CABLES2: variants seen among roughly 807,000 people sequenced by gnomAD.
CABLES2 encodes Cdk5 and Abl enzyme substrate 2, also known as CDK5 and ABL1 enzyme substrate 2.
A neutral mutation model predicts 44.8 loss-of-function variants in CABLES2; 35 were observed. The ratio of observed to expected loss-of-function variants is 0.78; its 90% CI spans 0.60 to 1.04. The LOEUF is 1.04. CABLES2 is among the 50% of genes least tolerant of loss of function. The pLI, the probability that CABLES2 is intolerant of heterozygous loss-of-function variation, is 0.00. For synonymous variants in CABLES2, 282 were observed against 281.1 expected (o/e 1.00, Z -0.03); for missense variants, 566 against 615.7 (o/e 0.92, Z 0.85).
rs145294840 is a variant in CABLES2 at position 62,406,221 on chromosome 20, C to T, written c.362+694G>A. Among the ~76,000 whole-genome samples, 93 of 152,180 alleles carry T rather than the reference C, an allele frequency of 6.1e-4. 2 individuals carry two copies. The East Asian group carries it at 0.017, about 28-fold the overall frequency. On this transcript the variant is annotated intron_variant, in intron 1 of 9. Coordinates refer to ENST00000279101, the MANE Select transcript of CABLES2 (RefSeq NM_031215.3). ...ATGGGAGATGTGGCTGTGCAGGGGC[C>T]TCTGGGAACAGGTGTCAGTGACAGT... is the stretch of plus-strand genomic sequence containing the variant.
Position 62,390,903 on chromosome 20 carries a change from G to T in CABLES2, c.*68C>A. The T allele has an allele frequency of 6.3e-7, 1 of 1,587,502 alleles. No individual in the cohort carries two copies. The highest frequency in any genetic ancestry group is 1.7e-5 in the Admixed American group (1 of 59,426). ...GGGTGCTGGCAGGAGGAGGCGCGGGGCTTCAGTGGGACACCTCCCAGGCCG... is the reference window on the plus strand; with the variant it reads ...GGGTGCTGGCAGGAGGAGGCGCGGGTCTTCAGTGGGACACCTCCCAGGCCG... On this transcript the variant is annotated 3_prime_UTR_variant, in exon 10 of 10. Coordinates refer to ENST00000279101, the MANE Select transcript of CABLES2 (RefSeq NM_031215.3).
intron 3 of CABLES2, among the ~76,000 whole-genome samples, chr20:62,395,994 C>T (rs975145784): frequency 4.6e-5 from 7 of 152,372 alleles, no homozygotes; most frequent in African/African-American, 1.4e-4. Context: ...CCTCCCCACA[C>T]ATCTCACAGC....
intron 1 of CABLES2, among the ~76,000 whole-genome samples, chr20:62,401,582 T>C (rs73143451): frequency 0.19 from 28,485 of 152,204 alleles, 2,930 homozygotes; most frequent in Middle Eastern, 0.26. Context: ...TGTGCAGATG[T>C]ACCACCTTAC....
intron 1 of CABLES2, among the ~76,000 whole-genome samples, chr20:62,401,217 ACT>A (rs1988181698): frequency 1.3e-5 from 2 of 152,064 alleles, no homozygotes; most frequent in South Asian, 4.1e-4. Context: ...AGTCCACAAG[ACT>A]CTGACAATGC....
chr20:62,398,450 G>A (rs1201789602), intron 1 of CABLES2, among the ~76,000 whole-genome samples: 1 of 152,112 alleles, frequency 6.6e-6, no homozygotes, highest in African/African-American at 2.4e-5. Context: ...TTGGCATGGG[G>A]CATTCTCAGC....
In CABLES2 at chr20:62,407,269, G is replaced by T. The variant is rs1555891472; in HGVS notation, c.8C>A (p.Ala3Glu). ...GCCCGGGGCTCCACCGGCCGCGGCC[G>T]CGGCCATCCTCAGACTGCGCCCGCC... MA[A>E]AAAGGAPGPA... Residue 3 changes from alanine (A) to glutamate (E), a missense_variant, in exon 1 of 10, where the codon GCG becomes GAG. This residue lies in a region of CABLES2 where 130 missense variants were observed against 79.4 expected (regional missense o/e 1.64). Transcript: ENST00000279101. The T allele has an allele frequency of 1.8e-6, 1 of 551,126 alleles. No homozygotes were observed. Among genetic ancestry groups the T allele is most frequent in the African/African-American group, 2.1e-5 (1 of 48,120 alleles). 34.1% of individuals were successfully genotyped at this position (551,126 alleles called of 1,614,324 possible).
intron 1 of CABLES2, 69 bp downstream of exon 1, chr20:62,406,846 G>T: frequency 1.1e-6 from 1 of 920,368 alleles, no homozygotes; most frequent in Non-Finnish European, 1.4e-6. Context: ...CTAGTCCTGG[G>T]CTGATCCGGC....
At chr20:62,397,872 G>A (rs1318548910) in intron 1 of CABLES2, among the ~76,000 whole-genome samples, 1 of 151,690 alleles carries the variant, frequency 6.6e-6, no homozygotes, top group East Asian at 1.9e-4. Context: ...CCCCAGAAGG[G>A]AGCAGTTGGT....
chr20:62,392,091 A>G (rs532303464), intron 8 of CABLES2, among the ~76,000 whole-genome samples: 34 of 152,088 alleles, frequency 2.2e-4, no homozygotes, highest in Non-Finnish European at 3.8e-4. Context: ...GGGGCCGGGC[A>G]CAACAGAGGC....
intron 5 of CABLES2, among the ~76,000 whole-genome samples, chr20:62,393,914 T>G (rs1987966058): frequency 6.6e-6 from 1 of 151,740 alleles, no homozygotes; most frequent in Non-Finnish European, 1.5e-5. Context: ...AGCAGGGGGG[T>G]GTCCAGGAGC....
chr20:62,395,538 G>A (rs899647785), intron 3 of CABLES2, among the ~76,000 whole-genome samples: 12 of 152,224 alleles, frequency 7.9e-5, no homozygotes, highest in African/African-American at 2.9e-4. Flanking sequence ...CGGGCCCCGG[G>A]CCCAGAGAGC....
chr20:62,397,882 T>C (rs1234242453), intron 1 of CABLES2, among the ~76,000 whole-genome samples: 1 of 151,208 alleles, frequency 6.6e-6, no homozygotes, highest in Non-Finnish European at 1.5e-5. Context: ...GAGCAGTTGG[T>C]GGTGGTGATG....
intron 1 of CABLES2, among the ~76,000 whole-genome samples, chr20:62,400,362 T>G (rs1988166102): frequency 6.6e-6 from 1 of 150,850 alleles, no homozygotes; most frequent in African/African-American, 2.4e-5. Flanking sequence ...GCTGAGGGGG[T>G]GTGTGGCAGA....
At chr20:62,398,208 GTGATGTGA>G (rs1159332685) in intron 1 of CABLES2, among the ~76,000 whole-genome samples, 24 of 118,532 alleles carry the variant, frequency 2.0e-4, no homozygotes, top group East Asian at 1.9e-3. Context: ...GGTGGTGATG[GTGATGTGA>G]TGGTGGTGGT....
chr20:62,392,416 A>T lies in CABLES2; in HGVS notation c.1064T>A (p.Val355Asp). 6.2e-7 allele frequency: 1 copy of T among 1,614,070 alleles called. No homozygotes were observed. ...CCTGATTTTGCTCAGCGTCAGTTTG[A>T]CATGGGGGAACTTCTCCCTGAAGGT... ...NETFREKFPH[V>D]KLTLSKIRSL... Residue 355 changes from valine (V) to aspartate (D), a missense_variant, in exon 8 of 10, where the codon GTC becomes GAC. Val to Asp is a radical substitution (Grantham distance 152, BLOSUM62 -3). Coordinates refer to ENST00000279101, the MANE Select transcript of CABLES2 (RefSeq NM_031215.3).
Position 62,389,692 on chromosome 20 carries a change from A to AC in CABLES2, c.*1278dup, listed in dbSNP as rs1276002897. 2 of 152,068 alleles carry AC rather than the reference A, an allele frequency of 1.3e-5. No homozygotes were observed. Among genetic ancestry groups the AC allele is most frequent in the Non-Finnish European group, 2.9e-5 (2 of 68,018 alleles). The allele number at this position is 152,068 out of a possible 1,614,324, so 9.4% of individuals were successfully genotyped here. On this transcript the variant is annotated 3_prime_UTR_variant, in exon 10 of 10. Coordinates refer to ENST00000279101, the MANE Select transcript of CABLES2 (RefSeq NM_031215.3). The stretch of plus-strand genomic sequence containing the variant: ...CAGTGGCCAGTTTTGAGACCAGCTG[A>AC]CCCCCCATGAAGAAAAACTCAGCAG...
At position 62,391,549 on chromosome 20, in the gene CABLES2, C is replaced by T. The variant is rs2146417605; in HGVS notation, c.1092-96G>A. On this transcript the variant is annotated intron_variant, in intron 8 of 9. Coordinates refer to ENST00000279101, the MANE Select transcript of CABLES2 (RefSeq NM_031215.3). The surrounding 1 kb of genome is among the most constrained non-coding windows in gnomAD (Gnocchi z 5.7). ...ACCAACCGAGGCTGGAGCGATGTAG[C>T]TTTGGGCCGCAAGAAACACCACCGC... 3.1e-6 allele frequency: 4 copies of T among 1,276,190 alleles called. No individual in the cohort carries two copies. Among genetic ancestry groups the T allele is most frequent in the Middle Eastern group, 2.1e-4 (1 of 4,788 alleles). 79.1% of individuals were successfully genotyped at this position (1,276,190 alleles called of 1,614,324 possible).
chr20:62,399,152 A>G (rs2427316), intron 1 of CABLES2, among the ~76,000 whole-genome samples: 95,040 of 151,840 alleles, frequency 0.63, 31,738 homozygotes, highest in African/African-American at 0.85. Flanking sequence ...GTTTCACCAT[A>G]TTGGCCAGTC....
rs1276796767 is a variant in CABLES2, at chr20:62,390,646, C to T, written c.*325G>A. ...ACACTGCAGCCGGCTCGCTGCTGCACGCTGTGAACAAAAGGTCCTGGTACC... is the reference window on the plus strand; with the variant it reads ...ACACTGCAGCCGGCTCGCTGCTGCATGCTGTGAACAAAAGGTCCTGGTACC... On this transcript the variant is annotated 3_prime_UTR_variant, in exon 10 of 10. Coordinates refer to ENST00000279101, the MANE Select transcript of CABLES2 (RefSeq NM_031215.3). 3 of 358,374 alleles carry T rather than the reference C, an allele frequency of 8.4e-6. No homozygotes were observed. The Admixed American group carries it at 1.2e-4, about 14-fold the overall frequency. 22.2% of individuals were successfully genotyped at this position (358,374 alleles called of 1,614,324 possible). A position where few individuals can be genotyped will look rare whatever the true frequency, so the allele number is the denominator to read the frequency against.
Sources: gnomAD v4.1 joint callset for allele counts (sites outside exome capture counted in the v4.1 genomes callset) on GRCh38, gnomAD v4.1.1 for gene constraint, gnomAD v4.1.1 regional missense constraint, Gnocchi (gnomAD v3.1) non-coding constraint, MANE v1.5 for transcripts, NCBI Gene and HGNC (gene_info 2026-07-23, HGNC 2026-07-21) for gene names.